Variants in CDH18 observed in about 807,000 individuals in gnomAD.
CDH18 encodes cadherin-18.
CDH18 carries 31 observed loss-of-function variants against 67.9 expected under a neutral mutation model. The ratio of observed to expected loss-of-function variants is 0.46; its 90% CI spans 0.34 to 0.62. The LOEUF (loss-of-function observed/expected upper bound fraction) is 0.62. CDH18 is among the 20% of genes least tolerant of loss of function. The pLI is 0.01. For synonymous variants in CDH18, 362 were observed against 347.2 expected (o/e 1.04, Z -0.48); for missense variants, 890 against 975.5 (o/e 0.91, Z 1.17).
rs540118350 is a variant in CDH18, at chr5:20,306,267, A to G, written c.-579-50762T>C. On this transcript the variant is annotated intron_variant, in intron 1 of 14. Transcript: ENST00000507958. ...CATTTTGATGTTATGTTCATCTTCT[A>G]TGAGATCACAGTCCTATTCAATAGC... is the stretch of plus-strand genomic sequence containing the variant. 6.3e-4 allele frequency among the ~76,000 whole-genome samples: 96 copies of G among 152,152 alleles called. 5 individuals are homozygous for G. Among genetic ancestry groups the G allele is most frequent in the Non-Finnish European group, 2.1e-4 (14 of 68,020 alleles).
At chr5:19,683,098 T>G (rs1160695320) in intron 5 of CDH18, among the ~76,000 whole-genome samples, 1 of 138,724 alleles carries the variant, frequency 7.2e-6, no homozygotes, top group Non-Finnish European at 1.6e-5. Flanking sequence ...AAGTTCAACA[T>G]ATAACTCTAT....
In CDH18 at chr5:19,625,143, C is replaced by G. The variant is rs140191894; in HGVS notation, c.644-12542G>C. Among the ~76,000 whole-genome samples the G allele has an allele frequency of 1.9e-4, 29 of 152,198 alleles. No individual in the cohort carries two copies. In the East Asian group the frequency reaches 5.4e-3, roughly 28 times the overall value. ...TTCTGTGGTTCTCATGTTGCCACAT[C>G]CAACAGGTAATTGCTGTCCTCATAC... On this transcript the variant is annotated intron_variant, in intron 5 of 12. Coordinates refer to ENST00000382275, the MANE Select transcript of CDH18 (RefSeq NM_004934.5).
At chr5:20,548,834 AT>A (rs1757483807) in intron 1 of CDH18, among the ~76,000 whole-genome samples, 1 of 152,140 alleles carries the variant, frequency 6.6e-6, no homozygotes, top group Admixed American at 6.6e-5. Context: ...ACAGGTAGCT[AT>A]GGGTGATGAA....
rs1491450210 is a variant in CDH18 at position 19,755,430 on chromosome 5, T to TAC, written c.229-8195_229-8194insGT. Among the ~76,000 whole-genome samples, 35 of 6,462 alleles carry TAC rather than the reference T, an allele frequency of 5.4e-3. 1 individual carries two copies. Among genetic ancestry groups the TAC allele is most frequent in the African/African-American group, 6.5e-3 (35 of 5,424 alleles). 4.2% of individuals were successfully genotyped at this position (6,462 alleles called of 152,430 possible). A position where few individuals can be genotyped will look rare whatever the true frequency, so the allele number is the denominator to read the frequency against. On this transcript the variant is annotated intron_variant, in intron 3 of 12. Transcript: ENST00000382275. Reference sequence around the variant, plus strand: ...CTAGAGGGACAGAACTAACAGGGTATGTATATATATATATATATATATATA... The same window carrying TAC: ...CTAGAGGGACAGAACTAACAGGGTATACGTATATATATATATATATATATATA...
chr5:20,184,887 G>A (rs1439246237), intron 2 of CDH18, among the ~76,000 whole-genome samples: 2 of 152,014 alleles, frequency 1.3e-5, no homozygotes, highest in African/African-American at 4.8e-5. Flanking sequence ...ATTTAGGCAT[G>A]CTAGTCCTCA....
intron 5 of CDH18, among the ~76,000 whole-genome samples, chr5:19,623,557 ATTCAT>A: frequency 6.6e-6 from 1 of 152,194 alleles, no homozygotes; most frequent in Non-Finnish European, 1.5e-5. Flanking sequence ...ATGCTTATTT[ATTCAT>A]TGGCATATTT....
intron 2 of CDH18, among the ~76,000 whole-genome samples, chr5:19,859,346 A>G (rs952176086): frequency 1.3e-5 from 2 of 152,284 alleles, no homozygotes; most frequent in South Asian, 2.1e-4. Flanking sequence ...TGACCCTAGT[A>G]TAGCATCAGA....
At chr5:19,487,785 C>T (rs571839321) in intron 11 of CDH18, among the ~76,000 whole-genome samples, 42 of 152,174 alleles carry the variant, frequency 2.8e-4, no homozygotes, top group African/African-American at 1.0e-3. Context: ...TAATATCAGG[C>T]TTATGCCTAC....
At chr5:20,373,948 G>A (rs1212738848) in intron 1 of CDH18, among the ~76,000 whole-genome samples, 1 of 152,064 alleles carries the variant, frequency 6.6e-6, no homozygotes, top group Non-Finnish European at 1.5e-5. Context: ...ATGTATATAA[G>A]TGATTACTGA....
At chr5:20,493,435 G>C (rs932479474) in intron 1 of CDH18, among the ~76,000 whole-genome samples, 1 of 146,752 alleles carries the variant, frequency 6.8e-6, no homozygotes, top group African/African-American at 2.5e-5. Flanking sequence ...TCTATTTGTG[G>C]AAATAAACAA....
At position 20,214,698 on chromosome 5, in the gene CDH18, G is replaced by C. The variant is rs182643130; in HGVS notation, c.-518+40746C>G. ...CCATATAAAAAATCAACTCAAGATA[G>C]ATTAAAAACTTAAATGTAAAACTCA... On this transcript the variant is annotated intron_variant, in intron 2 of 14. Coordinates refer to the CDH18 transcript ENST00000507958. 1.5e-4 allele frequency among the ~76,000 whole-genome samples: 23 copies of C among 152,080 alleles called. No individual in the cohort carries two copies. In the East Asian group the frequency reaches 4.5e-3, roughly 29 times the overall value.
chr5:20,530,007 A>C (rs2126549917), intron 1 of CDH18, among the ~76,000 whole-genome samples: 1 of 152,184 alleles, frequency 6.6e-6, no homozygotes, highest in South Asian at 2.1e-4. Flanking sequence ...TCAGGCCAAA[A>C]GCTTCTTAAG....
intron 2 of CDH18, among the ~76,000 whole-genome samples, chr5:20,016,808 G>C (rs1413810659): frequency 3.3e-5 from 5 of 152,078 alleles, no homozygotes; most frequent in African/African-American, 4.8e-5. Context: ...ACCTACACTA[G>C]TGCAGGTTTG....
At chr5:20,564,359 C>T (rs1758386929) in intron 1 of CDH18, among the ~76,000 whole-genome samples, 1 of 151,598 alleles carries the variant, frequency 6.6e-6, no homozygotes, top group South Asian at 2.1e-4. Context: ...CTCACTGAGA[C>T]CTCCACCTCC....
chr5:20,218,705 C>CT (rs1182504548), intron 2 of CDH18, among the ~76,000 whole-genome samples: 1 of 151,968 alleles, frequency 6.6e-6, no homozygotes, highest in Admixed American at 6.6e-5. Flanking sequence ...AGGGTTTCCA[C>CT]TTTTGTATCT....
chr5:20,463,884 GT>G (rs1751450630), intron 1 of CDH18, among the ~76,000 whole-genome samples: 1 of 152,084 alleles, frequency 6.6e-6, no homozygotes, highest in Non-Finnish European at 1.5e-5. Context: ...CTAAGAATAT[GT>G]CTTATTACAT....
intron 1 of CDH18, among the ~76,000 whole-genome samples, chr5:20,510,997 A>T (rs1754999062): frequency 6.6e-6 from 1 of 152,236 alleles, no homozygotes; most frequent in Non-Finnish European, 1.5e-5. Flanking sequence ...CACATGGAAG[A>T]AACCAATTGA....
chr5:19,692,520 T>C (rs1362538314), intron 5 of CDH18, among the ~76,000 whole-genome samples: 1 of 151,752 alleles, frequency 6.6e-6, no homozygotes, highest in East Asian at 1.9e-4. Context: ...TGTAAGAAAC[T>C]CAAATAATTC....
intron 1 of CDH18, among the ~76,000 whole-genome samples, chr5:20,289,522 T>G (rs1746947148): frequency 6.6e-6 from 1 of 152,006 alleles, no homozygotes; most frequent in Admixed American, 6.6e-5. Flanking sequence ...TGCACTACAC[T>G]AGGTGACAGA....
Sources: gnomAD v4.1 joint callset for allele counts (sites outside exome capture counted in the v4.1 genomes callset) on GRCh38, gnomAD v4.1.1 for gene constraint, MANE v1.5 for transcripts, NCBI Gene and HGNC (gene_info 2026-07-23, HGNC 2026-07-21) for gene names.